DLG1: variants seen among roughly 807,000 people sequenced by gnomAD.
DLG1 encodes the protein disks large homolog 1.
Under a neutral mutation model 123.4 loss-of-function variants are expected in DLG1, and 42 were observed. The ratio of observed to expected loss-of-function variants is 0.34; its 90% CI spans 0.27 to 0.44. The LOEUF is 0.44. Among genes scored for constraint, DLG1 ranks in the 20% least tolerant of loss-of-function variants. The pLI, the probability that DLG1 is intolerant of heterozygous loss-of-function variation, is 1.00. For missense variants in DLG1, 942 were observed against 1,082.6 expected, an observed-to-expected ratio of 0.87 and a Z score of 1.82; for synonymous variants, 317 against 356.2, an observed-to-expected ratio of 0.89 and a Z score of 1.24.
At chr3:197,147,465 CA>C (rs1791480430) in intron 6 of DLG1, among the ~76,000 whole-genome samples, 1 of 128,952 alleles carries the variant, frequency 7.8e-6, no homozygotes, top group Non-Finnish European at 1.7e-5. Flanking sequence ...CACACACACA[CA>C]CACACCATGG....
intron 12 of DLG1, among the ~76,000 whole-genome samples, chr3:197,118,394 T>C (rs1044364524): frequency 6.6e-6 from 1 of 152,188 alleles, no homozygotes; most frequent in African/African-American, 2.4e-5. Context: ...CACTATTCTT[T>C]CTGCTAATTT....
rs199875499 is a variant in DLG1 at position 197,119,505 on chromosome 3, A to G, written c.1191T>C (p.His397=). The G allele has an allele frequency of 1.0e-4, 169 of 1,610,988 alleles. 1 individual carries two copies. In the East Asian group the frequency reaches 3.5e-3, roughly 34 times the overall value. ...GGCCCAAGAAGGAAGATGGGCTAAC[A>G]TGGTTATCAACAGGCTGAGAAGAAG... ...TNSSSQPVDN[H]VSPSSFLGQT... is the part of the protein sequence containing the mutation. The change falls in exon 12 of 25, where the codon CAT becomes CAC. Residue 397 remains histidine (H), a synonymous_variant. Transcript: ENST00000667157.
At chr3:197,245,265 A>G (rs1310611684) in intron 4 of DLG1, among the ~76,000 whole-genome samples, 1 of 152,080 alleles carries the variant, frequency 6.6e-6, no homozygotes, top group Non-Finnish European at 1.5e-5. Flanking sequence ...ATTAATCCAA[A>G]CTTGGGTATA....
chr3:197,166,528 C>A (rs1023702303), intron 5 of DLG1, among the ~76,000 whole-genome samples: 40 of 152,158 alleles, frequency 2.6e-4, no homozygotes, highest in African/African-American at 8.2e-4. Flanking sequence ...ATGCAGCTAA[C>A]AGCTCAACAG....
intron 24 of DLG1, among the ~76,000 whole-genome samples, chr3:197,048,032 A>G: frequency 6.6e-6 from 1 of 152,238 alleles, no homozygotes; most frequent in East Asian, 1.9e-4. Context: ...CAAAATATAT[A>G]AGAAAATCAT....
In DLG1 at chr3:197,125,571, G is replaced by C. The variant is rs188093800; in HGVS notation, c.1165+4956C>G. On this transcript the variant is annotated intron_variant, in intron 11 of 24. Coordinates refer to ENST00000667157, the MANE Select transcript of DLG1 (RefSeq NM_001366207.1). ...GAGATGGAATTGCTAGAATAGAGGT[G>C]AATGAACTGAGGGTTGTAGTCACAC... Among the ~76,000 whole-genome samples, 7 of 152,312 alleles carry C rather than the reference G, an allele frequency of 4.6e-5. No homozygotes were observed. In the East Asian group the frequency reaches 1.3e-3, roughly 29 times the overall value.
chr3:197,158,365 G>C (rs1797249982), intron 5 of DLG1, among the ~76,000 whole-genome samples: 2 of 151,404 alleles, frequency 1.3e-5, no homozygotes, highest in South Asian at 4.2e-4. Context: ...GCTCATGCCT[G>C]TAATCCCAGC....
chr3:197,083,724 G>T (rs542993283), intron 16 of DLG1, among the ~76,000 whole-genome samples: 10 of 152,278 alleles, frequency 6.6e-5, no homozygotes, highest in African/African-American at 2.4e-4. Context: ...GTGGGAGGCT[G>T]GGGTGAGAAA....
chr3:197,217,393 C>A (rs569877172), intron 4 of DLG1, among the ~76,000 whole-genome samples: 3 of 152,072 alleles, frequency 2.0e-5, no homozygotes, highest in Non-Finnish European at 4.4e-5. Flanking sequence ...TATGAACCAT[C>A]GAAGTTTGTA....
chr3:197,108,463 C>T (rs1158684299), intron 13 of DLG1, among the ~76,000 whole-genome samples: 6 of 152,104 alleles, frequency 3.9e-5, no homozygotes, highest in African/African-American at 1.4e-4. Flanking sequence ...ATTACTAATT[C>T]AATTTCCTTG....
rs3035903 is a variant in DLG1 at position 197,239,843 on chromosome 3, T to TA, written c.318+42835dup. On this transcript the variant is annotated intron_variant, in intron 4 of 24. Coordinates refer to ENST00000667157, the MANE Select transcript of DLG1 (RefSeq NM_001366207.1). ...GACAGTTCAGGGGCCACAGAAAAGT[T>TA]AAAAAAAAAAAAAAGAATTCTAGCA... Among the ~76,000 whole-genome samples, 326 of 133,994 alleles carry TA rather than the reference T, an allele frequency of 2.4e-3. 4 individuals are homozygous for TA. The highest frequency in any genetic ancestry group is 5.4e-3 in the African/African-American group (188 of 34,994). The allele number at this position is 133,994 out of a possible 152,430, so 87.9% of individuals were successfully genotyped here.
At chr3:197,251,237 A>G (rs1409379645) in intron 4 of DLG1, among the ~76,000 whole-genome samples, 1 of 151,934 alleles carries the variant, frequency 6.6e-6, no homozygotes, top group African/African-American at 2.4e-5. Context: ...AATAAATAAA[A>G]TACAGACTCT....
chr3:197,127,471 T>C (rs866236690), intron 11 of DLG1, among the ~76,000 whole-genome samples: 1 of 84,132 alleles, frequency 1.2e-5, no homozygotes, highest in African/African-American at 5.4e-5. Context: ...TATATATATA[T>C]ATATATATAT....
chr3:197,184,866 T>A (rs1198884434), intron 5 of DLG1, among the ~76,000 whole-genome samples: 1 of 152,216 alleles, frequency 6.6e-6, no homozygotes, highest in African/African-American at 2.4e-5. Context: ...CATCTAATAT[T>A]TAGGTTAACA....
At chr3:197,106,355 GA>G (rs1331143660) in intron 13 of DLG1, among the ~76,000 whole-genome samples, 1 of 152,160 alleles carries the variant, frequency 6.6e-6, no homozygotes, top group Non-Finnish European at 1.5e-5. Context: ...ACAGTGAGCT[GA>G]GATCACATCA....
At chr3:197,195,753 G>A (rs559636182) in intron 4 of DLG1, among the ~76,000 whole-genome samples, 181 of 152,110 alleles carry the variant, frequency 1.2e-3, no homozygotes, top group African/African-American at 4.1e-3. Context: ...AGGGGGTGTG[G>A]GGTGGATGGC....
At chr3:197,255,672 G>A (rs550155993) in intron 4 of DLG1, among the ~76,000 whole-genome samples, 11 of 152,018 alleles carry the variant, frequency 7.2e-5, no homozygotes, top group South Asian at 2.1e-4. Context: ...CTACCAGCAC[G>A]CACAGTAACA....
chr3:197,123,329 T>C (rs986365072), intron 11 of DLG1, among the ~76,000 whole-genome samples: 10 of 152,160 alleles, frequency 6.6e-5, no homozygotes, highest in Non-Finnish European at 1.2e-4. Context: ...AGGGAAAACA[T>C]AAACTCAGTG....
chr3:197,265,968 T>C (rs568484040), intron 4 of DLG1, among the ~76,000 whole-genome samples: 1 of 152,274 alleles, frequency 6.6e-6, no homozygotes, highest in South Asian at 2.1e-4. Flanking sequence ...GAGAATCACT[T>C]GAACCCAGGA....
Sources: allele counts gnomAD v4.1 joint callset (sites outside exome capture counted in the v4.1 genomes callset), GRCh38; gene constraint gnomAD v4.1.1; transcripts MANE v1.5; gene names NCBI Gene and HGNC (gene_info 2026-07-23, HGNC 2026-07-21).